IL1RAPL1: variants seen among roughly 807,000 people sequenced by gnomAD.
IL1RAPL1 encodes the protein interleukin-1 receptor accessory protein-like 1.
A neutral mutation model predicts 48.4 loss-of-function variants in IL1RAPL1; 3 were observed. That is an observed-to-expected ratio of 0.06 (90% CI 0.03 to 0.16). The LOEUF is 0.16. Among genes scored for constraint, IL1RAPL1 ranks in the 10% least tolerant of loss-of-function variants. The probability of loss-of-function intolerance (pLI) is 1.00; values close to 1 mark genes in which losing one functional copy is unlikely to be tolerated. For synonymous variants in IL1RAPL1, 185 were observed against 187.7 expected (o/e 0.99, Z 0.12); for missense variants, 349 against 530.6 (o/e 0.66, Z 3.36).
At chrX:29,005,421 G>A (rs1925953854) in intron 2 of IL1RAPL1, among the ~76,000 whole-genome samples, 1 of 111,553 alleles carries the variant, frequency 9.0e-6, no homozygotes, top group Non-Finnish European at 1.9e-5. Context: ...ATTAGAATTA[G>A]GTTTTTTTTC....
chrX:29,553,054 A>G (rs774950532), intron 5 of IL1RAPL1, among the ~76,000 whole-genome samples: 1 of 110,487 alleles, frequency 9.1e-6, no homozygotes, highest in African/African-American at 3.3e-5. Context: ...CATTAATCAC[A>G]CTTATTTTAA....
chrX:29,802,785 GTGTGTGTA>G (rs1445628797), intron 6 of IL1RAPL1, among the ~76,000 whole-genome samples: 12 of 20,889 alleles, frequency 5.7e-4, no homozygotes, highest in African/African-American at 2.1e-3. Context: ...ATATATATGT[GTGTGTGTA>G]TATATATATA....
intron 2 of IL1RAPL1, among the ~76,000 whole-genome samples, chrX:29,245,302 T>A (rs1301753594): frequency 9.0e-6 from 1 of 111,448 alleles, no homozygotes; most frequent in Non-Finnish European, 1.9e-5. Flanking sequence ...GTAATGGGAT[T>A]ACTGGGTCAA....
intron 1 of IL1RAPL1, among the ~76,000 whole-genome samples, chrX:28,775,625 A>G (rs1478999551): frequency 8.9e-6 from 1 of 112,719 alleles, no homozygotes; most frequent in East Asian, 2.8e-4. Context: ...TAAACTACAA[A>G]TGGCTTTTTA....
In IL1RAPL1 at chrX:29,786,274, A is replaced by T. The variant is rs191820275; in HGVS notation, c.778+117770A>T. ...CAGTACACAATGTCAAGTAAACATG[A>T]TGAACACAGATCAGTAATATAAAGG... On this transcript the variant is annotated intron_variant, in intron 6 of 10. Coordinates refer to ENST00000378993, the MANE Select transcript of IL1RAPL1 (RefSeq NM_014271.4). Among the ~76,000 whole-genome samples, 5 of 111,601 alleles carry T rather than the reference A, an allele frequency of 4.5e-5. No homozygotes were observed. In the East Asian group the frequency reaches 1.4e-3, roughly 31 times the overall value.
intron 3 of IL1RAPL1, among the ~76,000 whole-genome samples, chrX:29,371,859 G>T (rs1408602674): frequency 8.9e-6 from 1 of 112,081 alleles, no homozygotes; most frequent in Non-Finnish European, 1.9e-5. Flanking sequence ...CACCTAAGTT[G>T]ATTCCATGTC....
intron 2 of IL1RAPL1, among the ~76,000 whole-genome samples, chrX:29,093,337 G>T (rs370657718): frequency 9.1e-6 from 1 of 110,139 alleles, no homozygotes; most frequent in African/African-American, 3.3e-5. Context: ...GCAGGAGGAG[G>T]GGGGTGGGAG....
At chrX:29,593,130 T>A (rs756798601) in intron 5 of IL1RAPL1, among the ~76,000 whole-genome samples, 1 of 111,701 alleles carries the variant, frequency 9.0e-6, no homozygotes, top group East Asian at 2.8e-4. Flanking sequence ...TTGCTAGGTT[T>A]TGCTCAGATG....
intron 2 of IL1RAPL1, among the ~76,000 whole-genome samples, chrX:28,874,876 T>C (rs1922328514): frequency 8.9e-6 from 1 of 112,203 alleles, no homozygotes; most frequent in Admixed American, 9.4e-5. Flanking sequence ...TCAGTTTTAA[T>C]TGAGGTTATC....
At chrX:29,797,847 T>G (rs924288397) in intron 6 of IL1RAPL1, among the ~76,000 whole-genome samples, 1 of 111,347 alleles carries the variant, frequency 9.0e-6, no homozygotes, top group Non-Finnish European at 1.9e-5. Flanking sequence ...CACTCCAGCC[T>G]GGGCAACACA....
chrX:29,080,683 G>A (rs1927782155), intron 2 of IL1RAPL1, among the ~76,000 whole-genome samples: 1 of 109,340 alleles, frequency 9.1e-6, no homozygotes. Context: ...ATAATAATGT[G>A]CTTATATTAC....
chrX:29,474,162 T>A (rs1358440315), intron 5 of IL1RAPL1, among the ~76,000 whole-genome samples: 1 of 112,394 alleles, frequency 8.9e-6, no homozygotes, highest in Non-Finnish European at 1.9e-5. Flanking sequence ...CTGATTATTA[T>A]GTTCAAGGTG....
chrX:29,112,450 T>C (rs1355889169), intron 2 of IL1RAPL1, among the ~76,000 whole-genome samples: 1 of 105,958 alleles, frequency 9.4e-6, no homozygotes, highest in African/African-American at 3.5e-5. Flanking sequence ...AGTCTTTGAA[T>C]GGTGTGAGTG....
chrX:29,929,471 C>T (rs1331575048), intron 8 of IL1RAPL1, among the ~76,000 whole-genome samples: 1 of 111,778 alleles, frequency 8.9e-6, no homozygotes, highest in Non-Finnish European at 1.9e-5. Context: ...TTTACAGATT[C>T]TCTGAGTTTT....
chrX:29,715,093 G>C (rs1265729474), intron 6 of IL1RAPL1, among the ~76,000 whole-genome samples: 1 of 111,523 alleles, frequency 9.0e-6, no homozygotes, highest in Non-Finnish European at 1.9e-5. Flanking sequence ...TTGACTGTTT[G>C]TTAGAAAATT....
At chrX:29,537,235 T>A (rs902532299) in intron 5 of IL1RAPL1, among the ~76,000 whole-genome samples, 1 of 110,981 alleles carries the variant, frequency 9.0e-6, no homozygotes, top group Admixed American at 9.7e-5. Context: ...ATATTTTCTT[T>A]CATGGCACCC....
At chrX:29,249,509 C>G (rs1907346091) in intron 2 of IL1RAPL1, among the ~76,000 whole-genome samples, 1 of 111,044 alleles carries the variant, frequency 9.0e-6, no homozygotes, top group Admixed American at 9.6e-5. Flanking sequence ...ATGCAATAAC[C>G]CATTATAGTA....
chrX:29,941,858 A>G, intron 9 of IL1RAPL1, 64 bp downstream of exon 9: 6 of 1,052,393 alleles, frequency 5.7e-6, no homozygotes, highest in Non-Finnish European at 7.9e-6. Flanking sequence ...TCTTTGTTTT[A>G]TTAAGGGGAA....
At chrX:28,933,564 G>A (rs767617539) in intron 2 of IL1RAPL1, among the ~76,000 whole-genome samples, 23 of 111,453 alleles carry the variant, frequency 2.1e-4, no homozygotes, top group Non-Finnish European at 3.4e-4. Flanking sequence ...ATTAGACAGG[G>A]TAAAATGTTA....
Sources: gnomAD v4.1 joint callset for allele counts (sites outside exome capture counted in the v4.1 genomes callset) on GRCh38, gnomAD v4.1.1 for gene constraint, MANE v1.5 for transcripts, NCBI Gene and HGNC (gene_info 2026-07-23, HGNC 2026-07-21) for gene names.